RPS7: variants seen among roughly 807,000 people sequenced by gnomAD.
RPS7 encodes small ribosomal subunit protein eS7.
In RPS7, 1 loss-of-function variant was observed where a neutral mutation model predicts 22.1. That is an observed-to-expected ratio of 0.05 (90% confidence interval 0.02 to 0.21). The LOEUF is 0.21. RPS7 is among the 10% of genes least tolerant of loss of function. The pLI is 1.00. For synonymous variants in RPS7, 80 were observed against 92.0 expected (o/e 0.87, Z 0.74); for missense variants, 137 against 246.4 (o/e 0.56, Z 2.97).
At chr2:3,576,903 A>C (rs1208712597) in intron 4 of RPS7, 2 of 473,636 alleles carry the variant, frequency 4.2e-6, no homozygotes, top group African/African-American at 2.0e-5. Flanking sequence ...AAAGAAAGAT[A>C]AAGTACGTTC....
chr2:3,575,286 C>T lies in RPS7; in HGVS notation c.-83C>T, dbSNP rs1572357399. On this transcript the variant is annotated 5_prime_UTR_variant, in exon 1 of 7. Transcript: ENST00000645674. Reference sequence around the variant, plus strand: ...TCGCGCTGTTTCCGCCTCTTGCCTTCGGACGCCGGATTTTGACGTGCTCTC... The same window carrying T: ...TCGCGCTGTTTCCGCCTCTTGCCTTTGGACGCCGGATTTTGACGTGCTCTC... 9.4e-6 allele frequency: 4 copies of T among 423,450 alleles called. No individual in the cohort carries two copies. Among genetic ancestry groups the T allele is most frequent in the East Asian group, 4.9e-5 (1 of 20,508 alleles). 26.2% of individuals were successfully genotyped at this position (423,450 alleles called of 1,614,324 possible).
intron 5 of RPS7, chr2:3,579,299 T>C (rs990233809): frequency 6.6e-6 from 1 of 152,284 alleles, no homozygotes; most frequent in Admixed American, 6.5e-5. Flanking sequence ...GTTCAGGCTT[T>C]TGCCCTTTGT....
At chr2:3,579,395 A>G (rs1661351227) in intron 5 of RPS7, 2 of 152,706 alleles carry the variant, frequency 1.3e-5, no homozygotes, top group African/African-American at 2.4e-5. Context: ...CAGATAGGAA[A>G]TCCAAATGAG....
chr2:3,579,513 C>G (rs966253358), intron 5 of RPS7: 2 of 164,556 alleles, frequency 1.2e-5, no homozygotes, highest in Admixed American at 5.6e-5. Flanking sequence ...TTGACTTACT[C>G]CTGATGTCTC....
chr2:3,579,402 T>C (rs1661351397), intron 5 of RPS7: 1 of 152,712 alleles, frequency 6.5e-6, no homozygotes, highest in Non-Finnish European at 1.5e-5. Context: ...GAAATCCAAA[T>C]GAGTAGACTA....
In RPS7 at chr2:3,575,605, A is replaced by G. The variant is rs371081419; in HGVS notation, c.-5A>G. 1 of 1,610,382 alleles carries G rather than the reference A, an allele frequency of 6.2e-7. No homozygotes were observed. Among genetic ancestry groups the G allele is most frequent in the East Asian group, 2.2e-5 (1 of 44,858 alleles). On this transcript the variant is annotated 5_prime_UTR_variant, in exon 2 of 7. Coordinates refer to ENST00000645674, the MANE Select transcript of RPS7 (RefSeq NM_001011.4). ...CTGTGCCTTCAGTTCTCCCAGGAGA[A>G]AGCCATGTTCAGTTCGAGCGCCAAG...
intron 6 of RPS7, 149 bp downstream of exon 6, chr2:3,580,409 T>C (rs1279983013): frequency 6.6e-6 from 5 of 752,234 alleles, no homozygotes; most frequent in Non-Finnish European, 1.2e-5. Flanking sequence ...CTCCTTTGGA[T>C]TATGTGTCAG....
At chr2:3,577,084 C>A (rs1030088045) in intron 4 of RPS7, 9 of 226,574 alleles carry the variant, frequency 4.0e-5, no homozygotes, top group African/African-American at 1.4e-4. Flanking sequence ...TCCTGTAATC[C>A]CAGCACTTTG....
chr2:3,580,103 C>A lies in RPS7; in HGVS notation c.357-7C>A, dbSNP rs1558473776. 1 of 1,613,734 alleles carries A rather than the reference C, an allele frequency of 6.2e-7. No individual in the cohort carries two copies. Among genetic ancestry groups the A allele is most frequent in the Admixed American group, 1.7e-5 (1 of 59,980 alleles). ...TAGGTTGCTTACCTTTTAAACTATT[C>A]TTTTAGCCGTACTCTGACAGCTGTG... On this transcript the variant is annotated splice_region_variant and splice_polypyrimidine_tract_variant and intron_variant, in intron 5 of 6. Coordinates refer to ENST00000645674, the MANE Select transcript of RPS7 (RefSeq NM_001011.4).
Position 3,580,792 on chromosome 2 carries a change from T to A in RPS7, c.508-13T>A. The A allele has an allele frequency of 6.5e-7, 1 of 1,535,080 alleles. No homozygotes were observed. The highest frequency in any genetic ancestry group is 1.4e-5 in the African/African-American group (1 of 73,428). ...TTTCAAAGTTCTGTGATGAATTCTTTCTTTTCTTGTAGGTTGAAACTTTTT... is the reference window on the plus strand; with the variant it reads ...TTTCAAAGTTCTGTGATGAATTCTTACTTTTCTTGTAGGTTGAAACTTTTT... On this transcript the variant is annotated splice_polypyrimidine_tract_variant and intron_variant, in intron 6 of 6. Coordinates refer to ENST00000645674, the MANE Select transcript of RPS7 (RefSeq NM_001011.4).
chr2:3,575,387 T>A, intron 1 of RPS7, 37 bp downstream of exon 1: 1 of 570,294 alleles, frequency 1.8e-6, no homozygotes, highest in East Asian at 3.0e-5. Flanking sequence ...GAACTTTTCT[T>A]CTTGGGTTGA....
At chr2:3,577,249 T>G in intron 4 of RPS7, 1 of 177,258 alleles carries the variant, frequency 5.6e-6, no homozygotes, top group South Asian at 1.1e-4. Context: ...GGCAGGAGAA[T>G]CGCGTGAACC....
intron 4 of RPS7, chr2:3,577,177 A>G (rs536642433): frequency 2.2e-5 from 4 of 179,840 alleles, no homozygotes; most frequent in Non-Finnish European, 4.8e-5. Context: ...GTACTAAAAA[A>G]TACAAAAAAT....
chr2:3,576,176 G>A (rs901139286), intron 3 of RPS7: 11 of 590,780 alleles, frequency 1.9e-5, no homozygotes, highest in South Asian at 9.9e-5. Context: ...TTATAGATAC[G>A]GCAAAGAGCT....
At position 3,575,591 on chromosome 2, in the gene RPS7, G is replaced by A. The variant is rs1174546553; in HGVS notation, c.-18-1G>A. 1 of 1,607,188 alleles carries A rather than the reference G, an allele frequency of 6.2e-7. No individual in the cohort carries two copies. The highest frequency in any genetic ancestry group is 1.7e-5 in the Admixed American group (1 of 60,008). Reference sequence around the variant, plus strand: ...CGTAACGCTGACCGCTGTGCCTTCAGTTCTCCCAGGAGAAAGCCATGTTCA... The same window carrying A: ...CGTAACGCTGACCGCTGTGCCTTCAATTCTCCCAGGAGAAAGCCATGTTCA... On this transcript the variant is annotated splice_acceptor_variant, in intron 1 of 6. Transcript: ENST00000645674. LOFTEE classifies it low-confidence loss of function (5UTR_SPLICE).
chr2:3,580,143 T>C lies in RPS7; in HGVS notation c.390T>C (p.Leu130=). The part of the protein sequence containing the change: ...RTLTAVHDAI[L]EDLVFPSEIV... Reference sequence around the variant, plus strand: ...TGACAGCTGTGCACGATGCCATCCTTGAGGACTTGGTCTTCCCAAGCGAAA... The same window carrying C: ...TGACAGCTGTGCACGATGCCATCCTCGAGGACTTGGTCTTCCCAAGCGAAA... Residue 130 remains leucine, a synonymous_variant, in exon 6 of 7, where the codon CTT becomes CTC. Coordinates refer to ENST00000645674, the MANE Select transcript of RPS7 (RefSeq NM_001011.4). 6.2e-7 allele frequency: 1 copy of C among 1,613,702 alleles called. No homozygotes were observed. The highest frequency in any genetic ancestry group is 8.5e-7 in the Non-Finnish European group (1 of 1,179,796).
rs1238368020 is a variant in RPS7, at chr2:3,576,473, G to GT, written c.148-7dup. 2 of 1,612,412 alleles carry GT rather than the reference G, an allele frequency of 1.2e-6. No homozygotes were observed. Among genetic ancestry groups the GT allele is most frequent in the Admixed American group, 1.7e-5 (1 of 59,982 alleles). On this transcript the variant is annotated splice_polypyrimidine_tract_variant and intron_variant, in intron 3 of 6. Coordinates refer to ENST00000645674, the MANE Select transcript of RPS7 (RefSeq NM_001011.4). ...GAAGCAGTTAACACAGTGGATTTTT[G>GT]TTTTTTTCTTTAGGAAATTGAAGTT... is the stretch of plus-strand genomic sequence containing the variant.
intron 2 of RPS7, 39 bp downstream of exon 2, chr2:3,575,723 G>T: frequency 6.3e-7 from 1 of 1,590,534 alleles, no homozygotes. Flanking sequence ...GGGGGGAGGC[G>T]CCCCGCCCGG....
rs1369668094 is a variant in RPS7 at position 3,575,577 on chromosome 2, C to T, written c.-18-15C>T. ...TGCAGCCCGGGCCGCGTAACGCTGA[C>T]CGCTGTGCCTTCAGTTCTCCCAGGA... is the stretch of plus-strand genomic sequence containing the variant. On this transcript the variant is annotated splice_polypyrimidine_tract_variant and intron_variant, in intron 1 of 6. Transcript: ENST00000645674. The T allele has an allele frequency of 6.3e-6, 10 of 1,593,634 alleles. No homozygotes were observed. Among genetic ancestry groups the T allele is most frequent in the African/African-American group, 4.0e-5 (3 of 74,460 alleles).
Sources: allele counts gnomAD v4.1 joint callset, GRCh38; gene constraint gnomAD v4.1.1; transcripts MANE v1.5; gene names NCBI Gene and HGNC (gene_info 2026-07-23, HGNC 2026-07-21).